Variants in VIPR2 observed in about 807,000 individuals in gnomAD.
VIPR2 encodes vasoactive intestinal peptide receptor 2.
VIPR2 carries 48 observed loss-of-function variants against 58.0 expected under a neutral mutation model. That is an observed-to-expected ratio of 0.83 (90% CI 0.66 to 1.05). The LOEUF (loss-of-function observed/expected upper bound fraction) is 1.05. VIPR2 is among the 50% of genes least tolerant of loss of function. The pLI, the probability that VIPR2 is intolerant of heterozygous loss-of-function variation, is 0.00. For synonymous variants in VIPR2, 243 were observed against 235.2 expected, an observed-to-expected ratio of 1.03 and a Z score of -0.30; for missense variants, 534 against 558.0, an observed-to-expected ratio of 0.96 and a Z score of 0.43.
rs1184987649 is a variant in VIPR2 at position 159,128,086 on chromosome 7, T to A, written c.151+14360A>T. Among the ~76,000 whole-genome samples, 3 of 152,278 alleles carry A rather than the reference T, an allele frequency of 2.0e-5. No individual in the cohort carries two copies. The highest frequency in any genetic ancestry group is 7.2e-5 in the African/African-American group (3 of 41,562). ...GGGTCTCGGCAGGAATGGAGCCAGG[T>A]GAGGACACCTGGTAGTGGTCTCTCC... On this transcript the variant is annotated intron_variant, in intron 2 of 12. Coordinates refer to ENST00000262178, the MANE Select transcript of VIPR2 (RefSeq NM_003382.5). This position sits in a 1 kb window ranked among gnomAD's most constrained non-coding sequence, Gnocchi z 4.1.
rs1857442699 is a variant in VIPR2 at position 159,090,685 on chromosome 7, AC to A, written c.357+13071del. Reference sequence around the variant, plus strand: ...CCCTCAGCAGAGACACACTGGGATCACGCACAGGGGCCACCTCTTGTGACTA... The same window carrying A: ...CCCTCAGCAGAGACACACTGGGATCAGCACAGGGGCCACCTCTTGTGACTA... On this transcript the variant is annotated intron_variant, in intron 4 of 12. Coordinates refer to ENST00000262178, the MANE Select transcript of VIPR2 (RefSeq NM_003382.5). Among the ~76,000 whole-genome samples, 3 of 127,906 alleles carry A rather than the reference AC, an allele frequency of 2.3e-5. No individual in the cohort carries two copies. In the South Asian group the frequency reaches 8.4e-4, roughly 36 times the overall value. The allele number at this position is 127,906 out of a possible 152,430, so 83.9% of individuals were successfully genotyped here. A position where few individuals can be genotyped will look rare whatever the true frequency, so the allele number is the denominator to read the frequency against.
At chr7:159,115,865 A>G (rs1015661353) in intron 2 of VIPR2, among the ~76,000 whole-genome samples, 1 of 152,188 alleles carries the variant, frequency 6.6e-6, no homozygotes, top group Non-Finnish European at 1.5e-5. Context: ...AGTCTTTCCT[A>G]AGCACTCAAG....
At chr7:159,068,227 G>T (rs529021353) in intron 4 of VIPR2, among the ~76,000 whole-genome samples, 2 of 152,296 alleles carry the variant, frequency 1.3e-5, no homozygotes, top group African/African-American at 4.8e-5. Context: ...TCCGTGAGGG[G>T]AGAGTCAGCC....
intron 2 of VIPR2, among the ~76,000 whole-genome samples, chr7:159,136,887 G>T (rs1435877722): frequency 6.6e-6 from 1 of 152,206 alleles, no homozygotes; most frequent in Non-Finnish European, 1.5e-5. Flanking sequence ...AGCAGGACAG[G>T]AAGCAGCCAG....
chr7:159,057,175 G>A (rs1855371728), intron 5 of VIPR2, among the ~76,000 whole-genome samples: 2 of 152,130 alleles, frequency 1.3e-5, no homozygotes, highest in South Asian at 2.1e-4. Flanking sequence ...ATTTCCCTGG[G>A]TCAGCTTACT....
intron 6 of VIPR2, among the ~76,000 whole-genome samples, chr7:159,038,325 G>A (rs1854102434): frequency 6.6e-6 from 1 of 152,072 alleles, no homozygotes; most frequent in Admixed American, 6.5e-5. Context: ...CATTTTCTGA[G>A]ACACTGCACA....
chr7:159,144,169 A>G (rs1797592379), intron 1 of VIPR2: 1 of 840,738 alleles, frequency 1.2e-6, no homozygotes, highest in Non-Finnish European at 1.6e-6. Flanking sequence ...TCAGAACTCC[A>G]TGTGCGAAGG....
Position 159,029,412 on chromosome 7 carries a change from C to T in VIPR2, c.*1204G>A, listed in dbSNP as rs1285516907. 1.3e-5 allele frequency: 2 copies of T among 152,284 alleles called. No homozygotes were observed. Among genetic ancestry groups the T allele is most frequent in the South Asian group, 4.1e-4 (2 of 4,828 alleles). The allele number at this position is 152,284 out of a possible 1,614,324, so 9.4% of individuals were successfully genotyped here. On this transcript the variant is annotated 3_prime_UTR_variant, in exon 13 of 13. Coordinates refer to ENST00000262178, the MANE Select transcript of VIPR2 (RefSeq NM_003382.5). ...ACACCCTCCCCACATCTGCAAACCA[C>T]CCTTCGCCTGAAGGAGCAGCCGCTA...
At chr7:159,122,460 TG>T (rs1406337339) in intron 2 of VIPR2, among the ~76,000 whole-genome samples, 7 of 152,216 alleles carry the variant, frequency 4.6e-5, no homozygotes, top group African/African-American at 1.7e-4. Flanking sequence ...GGAGCTCACC[TG>T]GTCTCCCAGG....
At chr7:159,081,413 A>G (rs1176918338) in intron 4 of VIPR2, among the ~76,000 whole-genome samples, 1 of 152,260 alleles carries the variant, frequency 6.6e-6, no homozygotes, top group South Asian at 2.1e-4. Context: ...CTGGCTAGCC[A>G]TATGTAGAAA....
chr7:159,091,338 T>C (rs557592550), intron 4 of VIPR2, among the ~76,000 whole-genome samples: 1 of 152,290 alleles, frequency 6.6e-6, no homozygotes, highest in Admixed American at 6.5e-5. Flanking sequence ...TGTCCCTGTA[T>C]GGTAAAGTGT....
At chr7:159,074,774 G>A (rs1856559763) in intron 4 of VIPR2, among the ~76,000 whole-genome samples, 2 of 152,254 alleles carry the variant, frequency 1.3e-5, no homozygotes, top group South Asian at 4.1e-4. Context: ...GATTGCTTGA[G>A]GCTAGGAGTT....
In VIPR2 at chr7:159,068,301, CAT is replaced by C. The variant is rs545766573; in HGVS notation, c.358-9725_358-9724del. Among the ~76,000 whole-genome samples the C allele has an allele frequency of 7.9e-5, 12 of 152,322 alleles. No homozygotes were observed. In the South Asian group the frequency reaches 1.2e-3, roughly 16 times the overall value. On this transcript the variant is annotated intron_variant, in intron 4 of 12. Transcript: ENST00000262178. Reference sequence around the variant, plus strand: ...TAAAAAAACAGCCCCTCTCTTTTCACATGTTTTTCCTTTAAGGGGAATAGAAC... The same window carrying C: ...TAAAAAAACAGCCCCTCTCTTTTCACGTTTTTCCTTTAAGGGGAATAGAAC...
chr7:159,076,575 G>A (rs1337556108), intron 4 of VIPR2, among the ~76,000 whole-genome samples: 1 of 152,172 alleles, frequency 6.6e-6, no homozygotes, highest in East Asian at 1.9e-4. Flanking sequence ...TTTCTAAATG[G>A]AAGCTGTAAG....
intron 2 of VIPR2, among the ~76,000 whole-genome samples, chr7:159,139,467 T>A (rs1187353176): frequency 2.0e-5 from 3 of 152,252 alleles, no homozygotes; most frequent in Non-Finnish European, 2.9e-5. Flanking sequence ...TCACGTCTTC[T>A]GCAGCATCTG....
intron 1 of VIPR2, chr7:159,144,209 G>C: frequency 8.0e-7 from 1 of 1,251,532 alleles, no homozygotes; most frequent in Non-Finnish European, 1.0e-6. Context: ...TGAGCAGTTA[G>C]TTCCTCCAGT....
rs1289410556 is a variant in VIPR2, at chr7:159,031,879, G to A, written c.1102-10C>T. ...CGGCCACCACCAGGCCCTGCAATGA[G>A]AAGAGATGGTCAGGCAGGACCCGCG... On this transcript the variant is annotated splice_polypyrimidine_tract_variant and intron_variant, in intron 11 of 12. Transcript: ENST00000262178. The surrounding 1 kb of genome is among the most constrained non-coding windows in gnomAD (Gnocchi z 4.0). 1.2e-6 allele frequency: 2 copies of A among 1,614,138 alleles called. No homozygotes were observed. The highest frequency in any genetic ancestry group is 1.7e-5 in the Admixed American group (1 of 60,028).
At chr7:159,094,184 G>C (rs1401404723) in intron 4 of VIPR2, among the ~76,000 whole-genome samples, 1 of 152,172 alleles carries the variant, frequency 6.6e-6, no homozygotes. Flanking sequence ...CCAGGGCCTC[G>C]CCTCTGCCAT....
rs116677803 is a variant in VIPR2 at position 159,109,638 on chromosome 7, C to T, written c.259+174G>A. On this transcript the variant is annotated intron_variant, in intron 3 of 12. Transcript: ENST00000262178. ...GGGTTTGGCTGAAGGCAGGTGATGC[C>T]CTTCTGCTCCCTAAGACGGGCACTC... Among the ~76,000 whole-genome samples, 773 of 152,294 alleles carry T rather than the reference C, an allele frequency of 5.1e-3. 8 individuals carry two copies. The highest frequency in any genetic ancestry group is 0.017 in the African/African-American group (719 of 41,556).
Sources: allele counts gnomAD v4.1 joint callset (sites outside exome capture counted in the v4.1 genomes callset), GRCh38; gene constraint gnomAD v4.1.1; non-coding constraint Gnocchi (gnomAD v3.1); transcripts MANE v1.5; gene names NCBI Gene and HGNC (gene_info 2026-07-23, HGNC 2026-07-21).